Variants in TEKT5 observed in about 807,000 individuals in gnomAD.
TEKT5 encodes tektin 5.
In TEKT5, 52 loss-of-function variants were observed where a neutral mutation model predicts 48.7. That is an observed-to-expected ratio of 1.07 (90% CI 0.86 to 1.35). The LOEUF is 1.35. Ranked by LOEUF, TEKT5 falls within the 40% of genes most tolerant of loss-of-function variation. The probability of loss-of-function intolerance (pLI) is 0.00; values close to 1 mark genes in which losing one functional copy is unlikely to be tolerated. For missense variants in TEKT5, 831 were observed against 641.6 expected, an observed-to-expected ratio of 1.30 and a Z score of -3.19; for synonymous variants, 318 against 267.6, an observed-to-expected ratio of 1.19 and a Z score of -1.84.
intron 5 of TEKT5, among the ~76,000 whole-genome samples, chr16:10,654,553 G>A (rs1303036146): frequency 3.3e-5 from 5 of 152,256 alleles, no homozygotes; most frequent in Non-Finnish European, 5.9e-5. Context: ...CTGAGGGTCC[G>A]AACAGAACAA....
At position 10,682,016 on chromosome 16, in the gene TEKT5, G is replaced by C. The variant is rs139254890; in HGVS notation, c.840C>G (p.His280Gln). ...RNTSDCISFF[H>Q]GMEKIDGTIS... ...ACGTGCCGTCAATTTTCTCCATGCC[G>C]TGGAAGAAGCTGATGCAGTCTGACG... Residue 280 changes from histidine to glutamine, a missense_variant, in exon 4 of 7, where the codon CAC becomes CAG. His to Gln is a conservative substitution (Grantham distance 24, BLOSUM62 0). Coordinates refer to ENST00000283025, the MANE Select transcript of TEKT5 (RefSeq NM_144674.2). 4.3e-6 allele frequency: 7 copies of C among 1,614,058 alleles called. No homozygotes were observed. Among genetic ancestry groups the C allele is most frequent in the Middle Eastern group, 1.6e-4 (1 of 6,062 alleles).
intron 3 of TEKT5, among the ~76,000 whole-genome samples, chr16:10,687,525 G>A (rs1258350948): frequency 2.0e-5 from 3 of 152,202 alleles, no homozygotes; most frequent in Non-Finnish European, 4.4e-5. Flanking sequence ...GCCTGAGGTG[G>A]GCAGATCACC....
intron 6 of TEKT5, among the ~76,000 whole-genome samples, chr16:10,628,161 G>A (rs912268093): frequency 3.3e-5 from 5 of 152,084 alleles, no homozygotes; most frequent in Non-Finnish European, 2.9e-5. Flanking sequence ...CAGGTTATTC[G>A]GTTCAAGGTA....
At chr16:10,687,160 G>A (rs949768573) in intron 3 of TEKT5, among the ~76,000 whole-genome samples, 1 of 152,160 alleles carries the variant, frequency 6.6e-6, no homozygotes, top group Non-Finnish European at 1.5e-5. Context: ...GAGACATGGT[G>A]ACCATAGTTA....
rs1349688242 is a variant in TEKT5 at position 10,688,416 on chromosome 16, G to A, written c.719+837C>T. 9.2e-5 allele frequency among the ~76,000 whole-genome samples: 14 copies of A among 152,200 alleles called. 1 individual carries two copies. Among genetic ancestry groups the A allele is most frequent in the Admixed American group, 9.2e-4 (14 of 15,286 alleles). On this transcript the variant is annotated intron_variant, in intron 3 of 6. Transcript: ENST00000283025. ...AGCAAACCAAGATATGTGCTCCCAG[G>A]GCTGATTTGGAAGGTGCCCGCCCCC...
At chr16:10,663,038 T>C (rs2430636) in intron 5 of TEKT5, among the ~76,000 whole-genome samples, 68,697 of 151,944 alleles carry the variant, frequency 0.45, 16,759 homozygotes, top group East Asian at 0.81. Context: ...CTCCACTCCA[T>C]CCACCCACTC....
intron 6 of TEKT5, among the ~76,000 whole-genome samples, chr16:10,631,083 T>TATATATAC (rs768698257): frequency 5.4e-5 from 8 of 148,628 alleles, no homozygotes; most frequent in African/African-American, 2.0e-4. Flanking sequence ...TATATATATA[T>TATATATAC]ACACACACAC....
intron 3 of TEKT5, among the ~76,000 whole-genome samples, 167 bp from the exon 4 acceptor site, chr16:10,682,303 C>G (rs370340015): frequency 6.6e-5 from 10 of 151,904 alleles, no homozygotes; most frequent in African/African-American, 7.3e-5. Flanking sequence ...GAGGCTCCCC[C>G]CAATCCAAAC....
intron 5 of TEKT5, among the ~76,000 whole-genome samples, chr16:10,637,331 C>A (rs2142260815): frequency 7.0e-6 from 1 of 142,428 alleles, no homozygotes. Context: ...CCACCACACC[C>A]AGCCCGCTTT....
intron 5 of TEKT5, among the ~76,000 whole-genome samples, chr16:10,637,884 T>C (rs74497115): frequency 0.052 from 7,868 of 152,252 alleles, 585 homozygotes; most frequent in African/African-American, 0.17. Context: ...AATCGCAGCT[T>C]ACCACAGCCT....
chr16:10,630,654 C>T (rs1226509316), intron 6 of TEKT5, among the ~76,000 whole-genome samples: 1 of 152,152 alleles, frequency 6.6e-6, no homozygotes, highest in Non-Finnish European at 1.5e-5. Flanking sequence ...ACCCACCAGC[C>T]CCATGGGGCT....
chr16:10,678,087 G>A (rs1394480640), intron 4 of TEKT5, among the ~76,000 whole-genome samples: 1 of 152,170 alleles, frequency 6.6e-6, no homozygotes, highest in Non-Finnish European at 1.5e-5. Flanking sequence ...CATCTGGGAA[G>A]GCTTTGAGGA....
At chr16:10,662,447 T>C (rs562670925) in intron 5 of TEKT5, among the ~76,000 whole-genome samples, 2 of 152,218 alleles carry the variant, frequency 1.3e-5, no homozygotes, top group South Asian at 4.1e-4. Flanking sequence ...GGGAGAACAA[T>C]TGTTCTGAGA....
intron 5 of TEKT5, among the ~76,000 whole-genome samples, chr16:10,674,733 C>G (rs538192552): frequency 6.6e-6 from 1 of 151,514 alleles, no homozygotes; most frequent in Non-Finnish European, 1.5e-5. Flanking sequence ...TGTAGGTGGG[C>G]TGAAACTACC....
At chr16:10,650,518 A>C (rs994047753) in intron 5 of TEKT5, among the ~76,000 whole-genome samples, 1 of 152,126 alleles carries the variant, frequency 6.6e-6, no homozygotes, top group African/African-American at 2.4e-5. Flanking sequence ...CTCTGCCAAA[A>C]AACATGCCCC....
intron 5 of TEKT5, among the ~76,000 whole-genome samples, chr16:10,670,269 GT>G (rs1175169842): frequency 6.6e-6 from 1 of 152,212 alleles, no homozygotes. Flanking sequence ...GCTCAAGCCT[GT>G]AATCCCAGCA....
intron 5 of TEKT5, among the ~76,000 whole-genome samples, chr16:10,662,776 G>C (rs142058122): frequency 1.2e-4 from 19 of 152,314 alleles, no homozygotes; most frequent in African/African-American, 4.3e-4. Context: ...GGAGTGGTTA[G>C]TGGTGGGGAC....
chr16:10,644,399 G>A (rs538694493), intron 5 of TEKT5, among the ~76,000 whole-genome samples: 10 of 152,178 alleles, frequency 6.6e-5, no homozygotes, highest in Admixed American at 2.0e-4. Flanking sequence ...TCCCCACATC[G>A]GATTCTTCCA....
chr16:10,653,854 A>G (rs1447844724), intron 5 of TEKT5, among the ~76,000 whole-genome samples: 1 of 152,234 alleles, frequency 6.6e-6, no homozygotes, highest in African/African-American at 2.4e-5. Flanking sequence ...CAAAATTTGC[A>G]GTGAGCCGAG....
Sources: allele counts gnomAD v4.1 joint callset (sites outside exome capture counted in the v4.1 genomes callset), GRCh38; gene constraint gnomAD v4.1.1; transcripts MANE v1.5; gene names NCBI Gene and HGNC (gene_info 2026-07-23, HGNC 2026-07-21).